Variants in SLC8A3 observed in about 807,000 individuals in gnomAD.
SLC8A3 encodes the protein solute carrier family 8 member A3.
In SLC8A3, 37 loss-of-function variants were observed where a neutral mutation model predicts 65.4. That is an observed-to-expected ratio of 0.57 (90% CI 0.44 to 0.74). The LOEUF is 0.74. Ranked by LOEUF, SLC8A3 falls within the 30% of genes least tolerant of loss-of-function variation. The pLI, the probability that SLC8A3 is intolerant of heterozygous loss-of-function variation, is 0.00. For missense variants in SLC8A3, 1,112 were observed against 1,172.1 expected (o/e 0.95, Z 0.75); for synonymous variants, 461 against 444.5 (o/e 1.04, Z -0.47).
chr14:70,076,443 T>C (rs1566760783), intron 2 of SLC8A3, among the ~76,000 whole-genome samples: 1 of 152,230 alleles, frequency 6.6e-6, no homozygotes, highest in Non-Finnish European at 1.5e-5. Flanking sequence ...TATATATTTG[T>C]TGAATGAATG....
In SLC8A3 at chr14:70,145,524, A is replaced by T. The variant is rs1405586699; in HGVS notation, c.1784+21115T>A. On this transcript the variant is annotated intron_variant, in intron 2 of 6. Transcript: ENST00000356921. ...AGAAGCCCTGGCCCCCTCACTAGAG[A>T]TGCTGCCCTGTTGTATCAGCTACAA... 3.3e-5 allele frequency among the ~76,000 whole-genome samples: 5 copies of T among 152,276 alleles called. No individual in the cohort carries two copies. In the East Asian group the frequency reaches 9.6e-4, roughly 29 times the overall value.
intron 2 of SLC8A3, among the ~76,000 whole-genome samples, chr14:70,072,314 T>C (rs1304469903): frequency 6.6e-6 from 1 of 152,192 alleles, no homozygotes; most frequent in Non-Finnish European, 1.5e-5. Context: ...GTTCAGGATA[T>C]GATCACAGGC....
intron 2 of SLC8A3, among the ~76,000 whole-genome samples, chr14:70,132,297 A>ATGT (rs1355845232): frequency 6.6e-6 from 1 of 152,218 alleles, no homozygotes; most frequent in Admixed American, 6.5e-5. Flanking sequence ...CTTCACTGTA[A>ATGT]TATTTGGGAG....
chr14:70,087,045 T>A (rs938743844), intron 2 of SLC8A3, among the ~76,000 whole-genome samples: 5 of 152,246 alleles, frequency 3.3e-5, no homozygotes, highest in Admixed American at 6.5e-5. Flanking sequence ...TCAGCTTCTA[T>A]AGGTACCACT....
Position 70,140,333 on chromosome 14 carries a change from G to A in SLC8A3, c.1784+26306C>T, listed in dbSNP as rs576498081. Among the ~76,000 whole-genome samples, 20 of 152,198 alleles carry A rather than the reference G, an allele frequency of 1.3e-4. 1 individual carries two copies. Among genetic ancestry groups the A allele is most frequent in the South Asian group, 1.2e-3 (6 of 4,824 alleles). On this transcript the variant is annotated intron_variant, in intron 2 of 6. Transcript: ENST00000356921. ...CATCATATCACTGCACACTTACAGC[G>A]GCCATATAATGTGTGTATATACAAC...
intron 2 of SLC8A3, among the ~76,000 whole-genome samples, chr14:70,112,179 G>A (rs1404700221): frequency 6.6e-6 from 1 of 152,250 alleles, no homozygotes; most frequent in African/African-American, 2.4e-5. Context: ...CGAGAAGAAT[G>A]GATGGTGCAA....
At chr14:70,175,722 G>T (rs1226532635) in intron 1 of SLC8A3, among the ~76,000 whole-genome samples, 1 of 147,764 alleles carries the variant, frequency 6.8e-6, no homozygotes, top group Admixed American at 6.8e-5. Flanking sequence ...TCAATATAGG[G>T]AAGCTTTTTT....
intron 2 of SLC8A3, among the ~76,000 whole-genome samples, chr14:70,129,666 T>A (rs1246451813): frequency 6.6e-6 from 1 of 151,968 alleles, no homozygotes; most frequent in African/African-American, 2.4e-5. Flanking sequence ...AAGAGGGAGA[T>A]AGTTGTATAT....
intron 2 of SLC8A3, among the ~76,000 whole-genome samples, chr14:70,070,534 G>C (rs997678015): frequency 6.6e-6 from 1 of 152,198 alleles, no homozygotes; most frequent in Non-Finnish European, 1.5e-5. Flanking sequence ...ATCCAGAGGA[G>C]AGATGTCTCC....
chr14:70,136,195 C>T (rs1895187960), intron 2 of SLC8A3, among the ~76,000 whole-genome samples: 1 of 152,222 alleles, frequency 6.6e-6, no homozygotes, highest in South Asian at 2.1e-4. Flanking sequence ...CTGGAGTCAC[C>T]CAGCCCAGGA....
chr14:70,067,431 T>A (rs1282771189), intron 2 of SLC8A3, among the ~76,000 whole-genome samples: 1 of 152,194 alleles, frequency 6.6e-6, no homozygotes, highest in East Asian at 1.9e-4. Flanking sequence ...ATTCAAGGAC[T>A]AACCAGACCC....
At chr14:70,140,459 G>C (rs916294585) in intron 2 of SLC8A3, among the ~76,000 whole-genome samples, 2 of 152,152 alleles carry the variant, frequency 1.3e-5, no homozygotes, top group African/African-American at 4.8e-5. Context: ...GCAGAACACT[G>C]CCTCTCCCCT....
At chr14:70,146,890 T>G (rs1325152927) in intron 2 of SLC8A3, among the ~76,000 whole-genome samples, 1 of 152,230 alleles carries the variant, frequency 6.6e-6, no homozygotes, top group Admixed American at 6.5e-5. Flanking sequence ...GGAGTTATAA[T>G]GCTGTTGCCT....
At chr14:70,119,015 C>T (rs569228917) in intron 2 of SLC8A3, among the ~76,000 whole-genome samples, 41 of 152,092 alleles carry the variant, frequency 2.7e-4, no homozygotes, top group Non-Finnish European at 5.3e-4. Flanking sequence ...ACCTCGAGCC[C>T]CTCAAGAGCA....
At chr14:70,134,280 C>A (rs144355812) in intron 2 of SLC8A3, among the ~76,000 whole-genome samples, 65 of 152,292 alleles carry the variant, frequency 4.3e-4, no homozygotes, top group African/African-American at 1.5e-3. Context: ...TTCATTTTAA[C>A]AAGGATTGAG....
intron 2 of SLC8A3, among the ~76,000 whole-genome samples, chr14:70,149,431 G>A (rs1896126086): frequency 6.6e-6 from 1 of 152,206 alleles, no homozygotes; most frequent in South Asian, 2.1e-4. Context: ...TCCATGTGAA[G>A]CAGCCCCAGC....
chr14:70,167,486 G>A lies in SLC8A3; in HGVS notation c.937C>T (p.Arg313Cys), dbSNP rs369662157. The change falls in exon 2 of 7, where the codon CGC (arginine) becomes TGC (cysteine). Residue 313 changes from arginine (R) to cysteine (C), a missense_variant. By Grantham distance (180) the Arg-to-Cys change is radical (BLOSUM62 -3). Coordinates refer to ENST00000356921, the MANE Select transcript of SLC8A3 (RefSeq NM_182932.3). Reference sequence around the variant, plus strand: ...TTGAGAATCCGGATCATCTCTCTGCGGGACTCATCCACTTCCTTCCCTTCC... The same window carrying A: ...TTGAGAATCCGGATCATCTCTCTGCAGGACTCATCCACTTCCTTCCCTTCC... ...PLEGKEVDES[R>C]REMIRILKDL... 1.1e-5 allele frequency: 18 copies of A among 1,613,864 alleles called. No individual in the cohort carries two copies. The highest frequency in any genetic ancestry group is 4.5e-5 in the East Asian group (2 of 44,896).
chr14:70,060,545 C>A, intron 3 of SLC8A3: 1 of 518,432 alleles, frequency 1.9e-6, no homozygotes, highest in Non-Finnish European at 3.6e-6. Context: ...GGAAATAACT[C>A]ATTAGGGTAA....
chr14:70,060,292 T>G (rs188474986), intron 3 of SLC8A3: 120 of 214,130 alleles, frequency 5.6e-4, no homozygotes, highest in Admixed American at 1.8e-3. Flanking sequence ...AAAGCATCAT[T>G]GCAACCCAGG....
Sources: gnomAD v4.1 joint callset for allele counts (sites outside exome capture counted in the v4.1 genomes callset) on GRCh38, gnomAD v4.1.1 for gene constraint, MANE v1.5 for transcripts, NCBI Gene and HGNC (gene_info 2026-07-23, HGNC 2026-07-21) for gene names.